Variants in JADE3 observed in about 807,000 individuals in gnomAD.
JADE3 encodes jade family PHD finger 3, also known as protein Jade-3.
In JADE3, 2 loss-of-function variants were observed where a neutral mutation model predicts 50.1. The ratio of observed to expected loss-of-function variants is 0.04; its 90% confidence interval spans 0.02 to 0.13. JADE3 has a LOEUF of 0.13. Among genes scored for constraint, JADE3 ranks in the 10% least tolerant of loss-of-function variants. The probability of loss-of-function intolerance (pLI) is 1.00; values close to 1 mark genes in which losing one functional copy is unlikely to be tolerated. For missense variants in JADE3, 475 were observed against 634.4 expected (o/e 0.75, Z 2.70); for synonymous variants, 218 against 232.9 (o/e 0.94, Z 0.58).
Position 47,034,802 on chromosome X carries a change from C to T in JADE3, c.855+1014C>T, listed in dbSNP as rs1453904959. On this transcript the variant is annotated intron_variant, in intron 7 of 10. Coordinates refer to ENST00000614628, the MANE Select transcript of JADE3 (RefSeq NM_014735.5). Reference sequence around the variant, plus strand: ...TTTTTTTTGGTATTTTTAGTAGAGACGGGGTTTCACCGTGTTAGCCAGCAT... The same window carrying T: ...TTTTTTTTGGTATTTTTAGTAGAGATGGGGTTTCACCGTGTTAGCCAGCAT... Among the ~76,000 whole-genome samples the T allele has an allele frequency of 6.9e-5, 7 of 101,090 alleles. No individual in the cohort carries two copies. In the South Asian group the frequency reaches 1.9e-3, roughly 27 times the overall value. The allele number at this position is 101,090 out of a possible 115,157, so 87.8% of individuals were successfully genotyped here. A position where few individuals can be genotyped will look rare whatever the true frequency, so the allele number is the denominator to read the frequency against.
At chrX:46,940,099 C>A (rs1195935135) in intron 1 of JADE3, among the ~76,000 whole-genome samples, 1 of 112,136 alleles carries the variant, frequency 8.9e-6, no homozygotes, top group East Asian at 2.8e-4. Context: ...TCGCTAACTC[C>A]TGGTTTACAA....
chrX:47,055,144 G>A (rs1929608714), intron 9 of JADE3, among the ~76,000 whole-genome samples: 1 of 110,800 alleles, frequency 9.0e-6, no homozygotes, highest in Admixed American at 9.7e-5. Flanking sequence ...CACCCCCAGC[G>A]TGACAACCAA....
At chrX:47,046,944 G>A (rs1373505664) in intron 8 of JADE3, among the ~76,000 whole-genome samples, 1 of 111,881 alleles carries the variant, frequency 8.9e-6, no homozygotes, top group Non-Finnish European at 1.9e-5. Flanking sequence ...TGAGGTGTGG[G>A]ATAGAAATTG....
chrX:47,003,108 TTGA>T (rs1928324668), intron 4 of JADE3, among the ~76,000 whole-genome samples: 1 of 111,793 alleles, frequency 8.9e-6, no homozygotes, highest in Admixed American at 9.6e-5. Flanking sequence ...ATTACATTGA[TTGA>T]TTTTTTTTAA....
At chrX:47,040,215 C>A (rs991299821) in intron 8 of JADE3, among the ~76,000 whole-genome samples, 1 of 112,044 alleles carries the variant, frequency 8.9e-6, no homozygotes, top group Non-Finnish European at 1.9e-5. Context: ...TGCCTGCCGA[C>A]CTTCTTTGGT....
intron 1 of JADE3, among the ~76,000 whole-genome samples, chrX:46,932,864 G>A (rs1926526615): frequency 8.9e-6 from 1 of 111,789 alleles, no homozygotes; most frequent in Admixed American, 9.5e-5. Flanking sequence ...TATAAGCTGA[G>A]AGGATGACAT....
chrX:46,928,911 C>A (rs1283434227), intron 1 of JADE3, among the ~76,000 whole-genome samples: 1 of 112,069 alleles, frequency 8.9e-6, no homozygotes, highest in African/African-American at 3.2e-5. Flanking sequence ...CCCTCCCCAG[C>A]TGCATGTAGC....
intron 1 of JADE3, among the ~76,000 whole-genome samples, chrX:46,981,028 C>T (rs1050929090): frequency 1.8e-5 from 2 of 110,278 alleles, no homozygotes; most frequent in African/African-American, 3.3e-5. Context: ...AGAAGACAGC[C>T]AAGATCAAGG....
In JADE3 at chrX:47,059,028, A is replaced by G. The variant is rs1438114180; in HGVS notation, c.2423A>G (p.His808Arg). Residue 808 changes from histidine to arginine, a missense_variant, in exon 11 of 11, where the codon CAT (histidine) becomes CGT (arginine). Physicochemically the swap from His to Arg is conservative, Grantham distance 29. This residue lies in a region of JADE3 where 243 missense variants were observed against 238.2 expected (regional missense o/e 1.02). Transcript: ENST00000614628. ...CCCCATGACTCTAGACGGGATTGCC[A>G]TGGTAAAAGCAAGACACATCCCCTT... The part of the protein sequence containing the change: ...NPPHDSRRDC[H>R]GKSKTHPLSH... 6 of 1,207,398 alleles carry G rather than the reference A, an allele frequency of 5.0e-6. No homozygotes were observed. The highest frequency in any genetic ancestry group is 6.7e-6 in the Non-Finnish European group (6 of 894,526).
intron 4 of JADE3, among the ~76,000 whole-genome samples, chrX:47,020,998 C>G (rs1403182043): frequency 9.1e-6 from 1 of 110,442 alleles, no homozygotes; most frequent in African/African-American, 3.3e-5. Context: ...CCTGTAGTTT[C>G]AGCTACTTAG....
chrX:46,933,367 A>G (rs1556340258), intron 1 of JADE3, among the ~76,000 whole-genome samples: 1 of 112,561 alleles, frequency 8.9e-6, no homozygotes, highest in Admixed American at 9.4e-5. Context: ...ACTCCTTCAC[A>G]TTAACAAAAG....
At chrX:47,050,465 G>A (rs1272392698) in intron 8 of JADE3, among the ~76,000 whole-genome samples, 3 of 111,323 alleles carry the variant, frequency 2.7e-5, no homozygotes, top group Non-Finnish European at 5.7e-5. Flanking sequence ...CTGTGCAATG[G>A]AACACCAGAA....
chrX:47,013,093 A>G (rs1928596332), intron 4 of JADE3, among the ~76,000 whole-genome samples: 1 of 112,153 alleles, frequency 8.9e-6, no homozygotes, highest in African/African-American at 3.2e-5. Flanking sequence ...GCTCACTGTA[A>G]TCTTGAACTC....
At chrX:46,915,526 A>G (rs1235165190) in intron 1 of JADE3, among the ~76,000 whole-genome samples, 1 of 111,273 alleles carries the variant, frequency 9.0e-6, no homozygotes, top group Non-Finnish European at 1.9e-5. Flanking sequence ...TCTGGTTTGT[A>G]TGGTGGGGAG....
rs1477418855 is a variant in JADE3, at chrX:46,951,675, T to G, written c.-11-33209T>G. 2.7e-5 allele frequency among the ~76,000 whole-genome samples: 3 copies of G among 109,965 alleles called. No homozygotes were observed. In the East Asian group the frequency reaches 8.5e-4, roughly 31 times the overall value. ...TGTTAGATGTTAGATCCTTTATTGT[T>G]ATCCCACAGGTCCCTGAGGCTTTGT... On this transcript the variant is annotated intron_variant, in intron 1 of 10. Coordinates refer to ENST00000614628, the MANE Select transcript of JADE3 (RefSeq NM_014735.5).
chrX:46,927,693 C>T (rs1028012925), intron 1 of JADE3, among the ~76,000 whole-genome samples: 1 of 112,232 alleles, frequency 8.9e-6, no homozygotes, highest in African/African-American at 3.2e-5. Flanking sequence ...CACCACCTGG[C>T]TTAATCTCCC....
intron 4 of JADE3, among the ~76,000 whole-genome samples, chrX:46,998,759 C>T (rs1427710464): frequency 1.8e-5 from 2 of 111,341 alleles, no homozygotes; most frequent in African/African-American, 6.5e-5. Flanking sequence ...GTGGCACCAT[C>T]TTGGCTCACT....
chrX:46,975,959 C>T (rs1470121127), intron 1 of JADE3, among the ~76,000 whole-genome samples: 1 of 109,703 alleles, frequency 9.1e-6, no homozygotes, highest in East Asian at 2.8e-4. Flanking sequence ...TGATCCTGGC[C>T]TCAAGTGATC....
chrX:46,931,851 A>G (rs193171349), intron 1 of JADE3, among the ~76,000 whole-genome samples: 1 of 112,135 alleles, frequency 8.9e-6, no homozygotes, highest in Non-Finnish European at 1.9e-5. Context: ...CCCTTTGAAA[A>G]TAAACTTGCA....
Sources: allele counts gnomAD v4.1 joint callset (sites outside exome capture counted in the v4.1 genomes callset), GRCh38; gene constraint gnomAD v4.1.1; regional missense constraint gnomAD v4.1.1; transcripts MANE v1.5; gene names NCBI Gene and HGNC (gene_info 2026-07-23, HGNC 2026-07-21).